The following RPL35A variants were observed in gnomAD, a reference collection of about 807,000 sequenced individuals.
The protein encoded by RPL35A is ribosomal protein L35a, also known as large ribosomal subunit protein eL33.
In RPL35A, 1 loss-of-function variant was observed where a neutral mutation model predicts 16.7. The ratio of observed to expected loss-of-function variants is 0.06; its 90% confidence interval spans 0.02 to 0.28. The LOEUF is 0.28. RPL35A is among the 10% of genes least tolerant of loss of function. The pLI is 1.00. For synonymous variants in RPL35A, 58 were observed against 47.0 expected, an observed-to-expected ratio of 1.23 and a Z score of -0.96; for missense variants, 91 against 138.7, an observed-to-expected ratio of 0.66 and a Z score of 1.73.
intron 3 of RPL35A, 141 bp downstream of exon 3, chr3:197,951,452 A>T: frequency 1.1e-6 from 1 of 887,462 alleles, no homozygotes; most frequent in Non-Finnish European, 1.8e-6. Context: ...TCCCGGGTTC[A>T]AGCAAGTGTC....
At chr3:197,951,413 A>G (rs1190776030) in intron 3 of RPL35A, 102 bp downstream of exon 3, 12 of 1,303,910 alleles carry the variant, frequency 9.2e-6, no homozygotes, top group Non-Finnish European at 1.3e-5. Context: ...GAATGCAGTG[A>G]CTTGGTCTCC....
At position 197,956,425 on chromosome 3, in the gene RPL35A, T is replaced by C; in HGVS notation, c.*652T>C. ...TATATTAAAATAAAATTAAGCCATA[T>C]TACTCCACTCATAAAAAGCAATCCT... On this transcript the variant is annotated 3_prime_UTR_variant, in exon 5 of 5. Coordinates refer to ENST00000647248, the MANE Select transcript of RPL35A (RefSeq NM_000996.4). 6.5e-6 allele frequency: 1 copy of C among 152,954 alleles called. No homozygotes were observed. The allele number at this position is 152,954 out of a possible 1,614,324, so 9.5% of individuals were successfully genotyped here.
intron 1 of RPL35A, chr3:197,950,711 A>T (rs966481680): frequency 1.7e-6 from 1 of 571,606 alleles, no homozygotes; most frequent in African/African-American, 1.9e-5. Flanking sequence ...CCTGTCCCTT[A>T]GTTTTGTCTT....
chr3:197,951,007 T>C (rs746819817), intron 2 of RPL35A, 29 bp downstream of exon 2: 1 of 1,611,684 alleles, frequency 6.2e-7, no homozygotes, highest in South Asian at 1.1e-5. Flanking sequence ...GTTCTTTATT[T>C]TTGTGTGTTA....
At chr3:197,950,462 C>T (rs1392243237) in intron 1 of RPL35A, 1 of 535,508 alleles carries the variant, frequency 1.9e-6, no homozygotes, top group Non-Finnish European at 2.7e-6. Context: ...CGGAGTGAAA[C>T]GATGTTTTTG....
Position 197,956,189 on chromosome 3 carries a change from G to C in RPL35A, c.*416G>C. The C allele has an allele frequency of 9.4e-6, 2 of 212,812 alleles. No homozygotes were observed. The highest frequency in any genetic ancestry group is 9.0e-6 in the Non-Finnish European group (1 of 111,164). The allele number at this position is 212,812 out of a possible 1,614,324, so 13.2% of individuals were successfully genotyped here. A position where few individuals can be genotyped will look rare whatever the true frequency, so the allele number is the denominator to read the frequency against. On this transcript the variant is annotated 3_prime_UTR_variant, in exon 5 of 5. Transcript: ENST00000647248. Reference sequence around the variant, plus strand: ...GCTGGCTTCAAACTCCTGGGCTCAAGCAATCCTCCTTCCTTGGCCTCTCCT... The same window carrying C: ...GCTGGCTTCAAACTCCTGGGCTCAACCAATCCTCCTTCCTTGGCCTCTCCT...
At chr3:197,950,441 C>T in intron 1 of RPL35A, 1 of 703,542 alleles carries the variant, frequency 1.4e-6, no homozygotes, top group Non-Finnish European at 1.9e-6. Context: ...AGTTAAATTC[C>T]TGGGCCTGAA....
rs750336205 is a variant in RPL35A, at chr3:197,954,155, T to C, written c.309+8T>C. 10 of 1,613,974 alleles carry C rather than the reference T, an allele frequency of 6.2e-6. No individual in the cohort carries two copies. Among genetic ancestry groups the C allele is most frequent in the East Asian group, 2.2e-5 (1 of 44,894 alleles). ...GGACACAGAATCCGAGTGGTGAGTATGGTTTTTAGCAAAATGGACGTCTGA... is the reference window on the plus strand; with the variant it reads ...GGACACAGAATCCGAGTGGTGAGTACGGTTTTTAGCAAAATGGACGTCTGA... On this transcript the variant is annotated splice_region_variant and intron_variant, in intron 4 of 4. Transcript: ENST00000647248.
chr3:197,953,911 C>G, intron 3 of RPL35A, 92 bp from the exon 4 acceptor site: 5 of 1,318,172 alleles, frequency 3.8e-6, no homozygotes, highest in Non-Finnish European at 5.5e-6. Flanking sequence ...AAGTGGGTAA[C>G]CAGGGTTGAG....
In RPL35A at chr3:197,951,306, A is replaced by G. The variant is rs983892967; in HGVS notation, c.159A>G (p.Ala53=). Residue 53 remains alanine (A), a synonymous_variant, in exon 3 of 5, where the codon GCA becomes GCG. Coordinates refer to ENST00000647248, the MANE Select transcript of RPL35A (RefSeq NM_000996.4). ...AGAGATGCGCTTATGTATATAAAGC[A>G]AAGAAGTAAGTTTATGACACTGGTA... ...LGKRCAYVYK[A]KNNTVTPGGK... is the part of the protein sequence containing the mutation. The G allele has an allele frequency of 8.1e-6, 13 of 1,614,048 alleles. No individual in the cohort carries two copies. The Middle Eastern group carries it at 5.0e-4, about 61-fold the overall frequency.
At position 197,951,289 on chromosome 3, in the gene RPL35A, G is replaced by T. The variant is rs1327065133; in HGVS notation, c.142G>T (p.Ala48Ser). ...ETEFYLGKRC[A>S]YVYKAKNNTV... ...AGAATTCTATTTGGGCAAGAGATGCGCTTATGTATATAAAGCAAAGAAGTA... is the reference window on the plus strand; with the variant it reads ...AGAATTCTATTTGGGCAAGAGATGCTCTTATGTATATAAAGCAAAGAAGTA... The change falls in exon 3 of 5, where the codon GCT (alanine) becomes TCT (serine). Residue 48 changes from alanine to serine, a missense_variant. Transcript: ENST00000647248. 6.2e-7 allele frequency: 1 copy of T among 1,614,060 alleles called. No homozygotes were observed. The highest frequency in any genetic ancestry group is 1.1e-5 in the South Asian group (1 of 91,084).
chr3:197,955,867 C>A lies in RPL35A; in HGVS notation c.*94C>A. On this transcript the variant is annotated 3_prime_UTR_variant, in exon 5 of 5. Coordinates refer to ENST00000647248, the MANE Select transcript of RPL35A (RefSeq NM_000996.4). ...CTACCTTAAATTGATTTGCTACATG[C>A]TTAAAATGATAGAGGTTGCTCAGCA... 1 of 1,073,680 alleles carries A rather than the reference C, an allele frequency of 9.3e-7. No individual in the cohort carries two copies. Among genetic ancestry groups the A allele is most frequent in the Non-Finnish European group, 1.4e-6 (1 of 695,010 alleles). 66.5% of individuals were successfully genotyped at this position (1,073,680 alleles called of 1,614,324 possible).
chr3:197,954,085 A>G lies in RPL35A; in HGVS notation c.247A>G (p.Met83Val), dbSNP rs1720340462. The G allele has an allele frequency of 6.2e-7, 1 of 1,614,106 alleles. No individual in the cohort carries two copies. The highest frequency in any genetic ancestry group is 8.5e-7 in the Non-Finnish European group (1 of 1,180,056). ...KVTRAHGNSG[M>V]VRAKFRSNLP... is the part of the protein sequence containing the mutation. ...AACTCGGGCCCATGGAAACAGTGGC[A>G]TGGTTCGTGCCAAATTCCGAAGCAA... Residue 83 changes from methionine to valine, a missense_variant, in exon 4 of 5, where the codon ATG (methionine) becomes GTG (valine). By Grantham distance (21) the Met-to-Val change is conservative. Transcript: ENST00000647248.
Position 197,956,095 on chromosome 3 carries a change from C to CACAGGCTCA in RPL35A, c.*323_*331dup. 3.0e-6 allele frequency: 1 copy of CACAGGCTCA among 330,438 alleles called. No individual in the cohort carries two copies. Among genetic ancestry groups the CACAGGCTCA allele is most frequent in the Non-Finnish European group, 5.8e-6 (1 of 172,414 alleles). The allele number at this position is 330,438 out of a possible 1,614,324, so 20.5% of individuals were successfully genotyped here. ...CCTTGGCCTTTGAAGTAGCTGGGAC[C>CACAGGCTCA]ACAGGCTCATGCCACCATCCCTGGG... On this transcript the variant is annotated 3_prime_UTR_variant, in exon 5 of 5. Coordinates refer to ENST00000647248, the MANE Select transcript of RPL35A (RefSeq NM_000996.4).
intron 4 of RPL35A, chr3:197,954,440 C>T (rs1720372720): frequency 4.6e-6 from 2 of 438,246 alleles, no homozygotes; most frequent in Non-Finnish European, 8.5e-6. Flanking sequence ...TTCAAGCAAT[C>T]CTTCCACCTC....
In RPL35A at chr3:197,956,207, CCT is replaced by C. The variant is rs111904268; in HGVS notation, c.*438_*439del. 65,480 of 216,398 alleles carry C rather than the reference CCT, an allele frequency of 0.3. 15,550 individuals are homozygous for C. The highest frequency in any genetic ancestry group is 0.74 in the African/African-American group (32,246 of 43,404). The allele number at this position is 216,398 out of a possible 1,614,324, so 13.4% of individuals were successfully genotyped here. On this transcript the variant is annotated 3_prime_UTR_variant, in exon 5 of 5. Transcript: ENST00000647248. ...GGCTCAAGCAATCCTCCTTCCTTGG[CCT>C]CTCCTGAAGTGCTGGGATACAGTTA...
At chr3:197,952,543 A>G (rs116759914) in intron 3 of RPL35A, 8,550 of 151,920 alleles carry the variant, frequency 0.056, 300 homozygotes, top group South Asian at 0.088. Flanking sequence ...TATCCAGGCT[A>G]AAGTGCAATG....
chr3:197,950,817 C>T, intron 1 of RPL35A, 119 bp from the exon 2 acceptor site: 1 of 834,794 alleles, frequency 1.2e-6, no homozygotes, highest in Non-Finnish European at 2.0e-6. Context: ...TTGTTGTCCC[C>T]GAACTCCTAC....
Position 197,952,162 on chromosome 3 carries a change from G to GTTT in RPL35A, c.164+875_164+877dup, listed in dbSNP as rs1161903755. Among the ~76,000 whole-genome samples the GTTT allele has an allele frequency of 3.1e-3, 259 of 83,894 alleles. 40 individuals are homozygous for GTTT. The highest frequency in any genetic ancestry group is 0.01 in the East Asian group (25 of 2,464). The allele number at this position is 83,894 out of a possible 152,430, so 55.0% of individuals were successfully genotyped here. ...TTTTGTTAATGCCTTAAAATTATGG[G>GTTT]TTTTTTTTTTTTTTTTTTTTTTTTT... On this transcript the variant is annotated intron_variant, in intron 3 of 4. Coordinates refer to ENST00000647248, the MANE Select transcript of RPL35A (RefSeq NM_000996.4).
Sources: gnomAD v4.1 joint callset for allele counts (sites outside exome capture counted in the v4.1 genomes callset) on GRCh38, gnomAD v4.1.1 for gene constraint, MANE v1.5 for transcripts, NCBI Gene and HGNC (gene_info 2026-07-23, HGNC 2026-07-21) for gene names.